The following HTR1F variants were observed in gnomAD, a reference collection of about 807,000 sequenced individuals.
The protein encoded by HTR1F is 5-hydroxytryptamine receptor 1F, also known as 5-hydroxytryptamine (serotonin) receptor 1F, G protein-coupled.
HTR1F carries 17 observed loss-of-function variants against 24.0 expected under a neutral mutation model. The observed-to-expected ratio is 0.71, with a 90% CI of 0.48 to 1.06. HTR1F has a LOEUF of 1.06. Among genes scored for constraint, HTR1F ranks in the 50% least tolerant of loss-of-function variants. The probability of loss-of-function intolerance (pLI) is 0.00; values close to 1 mark genes in which losing one functional copy is unlikely to be tolerated. For missense variants in HTR1F, 391 were observed against 427.8 expected (o/e 0.91, Z 0.76); for synonymous variants, 186 against 156.8 (o/e 1.19, Z -1.39).
At chr3:87,964,728 GTTCCTTTCCAGT>G (rs555367786) in intron 2 of HTR1F, among the ~76,000 whole-genome samples, 206 of 152,300 alleles carry the variant, frequency 1.4e-3, no homozygotes, top group Non-Finnish European at 2.4e-3. Context: ...AGTAAGAGAT[GTTCCTTTCCAGT>G]TTCCTTTCCA....
chr3:87,870,406 G>A (rs1349321817), intron 2 of HTR1F, among the ~76,000 whole-genome samples: 1 of 152,044 alleles, frequency 6.6e-6, no homozygotes, highest in African/African-American at 2.4e-5. Flanking sequence ...CAGGACTTCA[G>A]AAACCAGCTT....
intron 2 of HTR1F, among the ~76,000 whole-genome samples, chr3:87,961,848 T>C (rs1705068525): frequency 6.6e-6 from 1 of 150,886 alleles, no homozygotes; most frequent in Non-Finnish European, 1.5e-5. Context: ...CTACCAAATA[T>C]GACAAAATGT....
chr3:87,861,565 C>A (rs1906916), intron 2 of HTR1F, among the ~76,000 whole-genome samples: 1 of 152,242 alleles, frequency 6.6e-6, no homozygotes, highest in East Asian at 1.9e-4. Flanking sequence ...AAGCCATTTT[C>A]TGTGCTCGTA....
chr3:87,856,647 A>G (rs1429892733), intron 2 of HTR1F, among the ~76,000 whole-genome samples: 1 of 152,164 alleles, frequency 6.6e-6, no homozygotes. Flanking sequence ...AGAGGAAGAC[A>G]AACCTTCAGT....
At chr3:87,860,693 C>A (rs1705299262) in intron 2 of HTR1F, among the ~76,000 whole-genome samples, 1 of 152,034 alleles carries the variant, frequency 6.6e-6, no homozygotes, top group Non-Finnish European at 1.5e-5. Context: ...ACATTGAATT[C>A]ATCTCAGTCA....
intron 2 of HTR1F, among the ~76,000 whole-genome samples, chr3:87,977,499 C>T (rs576835166): frequency 2.7e-5 from 4 of 150,612 alleles, no homozygotes; most frequent in Non-Finnish European, 5.9e-5. Context: ...CCCGGGTCCA[C>T]GCCATTCTCC....
chr3:87,797,410 G>T (rs953333460), intron 1 of HTR1F, among the ~76,000 whole-genome samples: 4 of 152,176 alleles, frequency 2.6e-5, no homozygotes, highest in Non-Finnish European at 5.9e-5. Context: ...TAAGCTAGCA[G>T]AAAAAGTTGC....
At chr3:87,846,972 T>C (rs1269558482) in intron 2 of HTR1F, among the ~76,000 whole-genome samples, 2 of 151,768 alleles carry the variant, frequency 1.3e-5, no homozygotes, top group East Asian at 3.8e-4. Flanking sequence ...GAAGTATCCA[T>C]TTTTGTAGAT....
At chr3:87,842,030 A>T (rs1704819682) in intron 2 of HTR1F, among the ~76,000 whole-genome samples, 2 of 151,838 alleles carry the variant, frequency 1.3e-5, no homozygotes, top group African/African-American at 4.9e-5. Flanking sequence ...CTCTTCCTGA[A>T]ATTAAAAGTT....
At chr3:87,881,514 A>T (rs969824522) in intron 2 of HTR1F, among the ~76,000 whole-genome samples, 1 of 152,218 alleles carries the variant, frequency 6.6e-6, no homozygotes, top group African/African-American at 2.4e-5. Context: ...AATGGCTGAA[A>T]AAAAGGCAGC....
intron 2 of HTR1F, among the ~76,000 whole-genome samples, chr3:87,866,740 A>G (rs1348078887): frequency 6.6e-6 from 1 of 151,856 alleles, no homozygotes; most frequent in Non-Finnish European, 1.5e-5. Flanking sequence ...AGTTTCTCTT[A>G]ACGTAGTGAT....
chr3:87,963,046 A>T (rs1387832628), intron 2 of HTR1F, among the ~76,000 whole-genome samples: 1 of 152,074 alleles, frequency 6.6e-6, no homozygotes, highest in Non-Finnish European at 1.5e-5. Flanking sequence ...AAGATTAAAA[A>T]TACTGATTTA....
intron 2 of HTR1F, among the ~76,000 whole-genome samples, chr3:87,957,670 T>A (rs568750513): frequency 1.1e-3 from 166 of 151,524 alleles, no homozygotes; most frequent in Non-Finnish European, 2.0e-3. Context: ...TTAATCTAAG[T>A]TGCCTAATTT....
intron 2 of HTR1F, among the ~76,000 whole-genome samples, chr3:87,846,356 C>T (rs191359270): frequency 6.6e-6 from 1 of 151,940 alleles, no homozygotes; most frequent in East Asian, 1.9e-4. Flanking sequence ...ATCTTTTGAA[C>T]CTGGGAGGCA....
intron 1 of HTR1F, among the ~76,000 whole-genome samples, chr3:87,809,799 T>C (rs1704131104): frequency 6.6e-6 from 1 of 152,082 alleles, no homozygotes; most frequent in Admixed American, 6.6e-5. Flanking sequence ...ATGTGAAATT[T>C]ACTTTATTTT....
At chr3:87,946,579 G>C (rs969776505) in intron 2 of HTR1F, among the ~76,000 whole-genome samples, 15 of 149,580 alleles carry the variant, frequency 1.0e-4, no homozygotes, top group African/African-American at 3.7e-4. Flanking sequence ...TAGATGAAAA[G>C]ATAGAGGTAA....
chr3:87,906,192 T>C (rs1375125192), intron 2 of HTR1F, among the ~76,000 whole-genome samples: 1 of 152,132 alleles, frequency 6.6e-6, no homozygotes, highest in Non-Finnish European at 1.5e-5. Flanking sequence ...AGAGTAACTT[T>C]TGAAAATTGG....
intron 2 of HTR1F, among the ~76,000 whole-genome samples, chr3:87,942,283 T>C (rs901987000): frequency 6.6e-6 from 1 of 152,008 alleles, no homozygotes; most frequent in African/African-American, 2.4e-5. Flanking sequence ...GGGGGAAGTA[T>C]CTAGTGACTG....
chr3:87,944,893 C>T (rs1158791850), intron 2 of HTR1F, among the ~76,000 whole-genome samples: 1 of 152,182 alleles, frequency 6.6e-6, no homozygotes, highest in Admixed American at 6.5e-5. Context: ...TGTTTTCAGG[C>T]TATGCCGTTG....
Sources: allele counts gnomAD v4.1 joint callset (sites outside exome capture counted in the v4.1 genomes callset), GRCh38; gene constraint gnomAD v4.1.1; transcripts MANE v1.5; gene names NCBI Gene and HGNC (gene_info 2026-07-23, HGNC 2026-07-21).